The following LARP1 variants were observed in gnomAD, a reference collection of about 807,000 sequenced individuals.
LARP1 encodes the protein La ribonucleoprotein 1, translational regulator, also known as la-related protein 1.
In LARP1, 36 loss-of-function variants were observed where a neutral mutation model predicts 122.7. The observed-to-expected ratio is 0.29, with a 90% CI of 0.22 to 0.39. The LOEUF is 0.39. LARP1 is among the 10% of genes least tolerant of loss of function. LARP1 has a pLI of 1.00. For synonymous variants in LARP1, 539 were observed against 528.7 expected (o/e 1.02, Z -0.27); for missense variants, 1,040 against 1,403.6 (o/e 0.74, Z 4.14).
chr5:154,688,653 CAAAAAAA>C (rs10677648), intron 1 of LARP1, among the ~76,000 whole-genome samples: 4 of 79,484 alleles, frequency 5.0e-5, no homozygotes, highest in African/African-American at 2.2e-4. Flanking sequence ...GACTCCATCT[CAAAAAAA>C]AAAAAAAAAA....
intron 1 of LARP1, among the ~76,000 whole-genome samples, chr5:154,789,028 A>G (rs2113760038): frequency 6.6e-6 from 1 of 151,876 alleles, no homozygotes; most frequent in South Asian, 2.1e-4. Flanking sequence ...CCTGGCCAAC[A>G]TGGTGAAACC....
At chr5:154,766,382 A>G (rs889452519) in intron 1 of LARP1, among the ~76,000 whole-genome samples, 3 of 152,248 alleles carry the variant, frequency 2.0e-5, no homozygotes, top group African/African-American at 4.8e-5. Context: ...CCCAGATTAC[A>G]AAATGGAGCA....
intron 1 of LARP1, among the ~76,000 whole-genome samples, chr5:154,745,417 A>G (rs1215495643): frequency 6.6e-6 from 1 of 152,150 alleles, no homozygotes; most frequent in East Asian, 1.9e-4. Context: ...CCCCTTTATG[A>G]TAATAGCAAA....
In LARP1 at chr5:154,814,365, A is replaced by G. The variant is rs1357079197; in HGVS notation, c.*269A>G. The G allele has an allele frequency of 4.0e-6, 1 of 250,202 alleles. No homozygotes were observed. The highest frequency in any genetic ancestry group is 7.8e-6 in the Non-Finnish European group (1 of 128,502). The allele number at this position is 250,202 out of a possible 1,614,324, so 15.5% of individuals were successfully genotyped here. A position where few individuals can be genotyped will look rare whatever the true frequency, so the allele number is the denominator to read the frequency against. On this transcript the variant is annotated 3_prime_UTR_variant, in exon 19 of 19. Coordinates refer to ENST00000518297, the MANE Select transcript of LARP1 (RefSeq NM_033551.3). ...GGGGAGGGAAAGGGGGGAGATTTTTATATATATATACATATATATATATCA... is the reference window on the plus strand; with the variant it reads ...GGGGAGGGAAAGGGGGGAGATTTTTGTATATATATACATATATATATATCA...
intron 1 of LARP1, among the ~76,000 whole-genome samples, chr5:154,691,031 G>A (rs965627580): frequency 6.6e-6 from 1 of 152,112 alleles, no homozygotes; most frequent in African/African-American, 2.4e-5. Flanking sequence ...AGGCCGAGGA[G>A]GGCGGATCAC....
chr5:154,788,224 A>G (rs1757041049), intron 1 of LARP1, among the ~76,000 whole-genome samples: 1 of 152,204 alleles, frequency 6.6e-6, no homozygotes, highest in Non-Finnish European at 1.5e-5. Flanking sequence ...GAGTCCCAGG[A>G]GTATGGGTGC....
intron 1 of LARP1, among the ~76,000 whole-genome samples, chr5:154,763,299 T>C: frequency 6.6e-6 from 1 of 151,988 alleles, no homozygotes. Context: ...TGACCTCAGG[T>C]GATCTGCCCA....
intron 1 of LARP1, among the ~76,000 whole-genome samples, chr5:154,722,483 C>G (rs1160089311): frequency 6.6e-6 from 1 of 152,016 alleles, no homozygotes; most frequent in Non-Finnish European, 1.5e-5. Flanking sequence ...CATTCTGGGC[C>G]AGACAGGGGT....
At chr5:154,780,854 G>A (rs979563311) in intron 1 of LARP1, among the ~76,000 whole-genome samples, 7 of 151,970 alleles carry the variant, frequency 4.6e-5, no homozygotes, top group African/African-American at 1.7e-4. Flanking sequence ...TTGAGGTCAG[G>A]AGTTCAAGAC....
rs186461716 is a variant in LARP1, at chr5:154,737,729, T to G, written c.205+24599T>G. Among the ~76,000 whole-genome samples, 86 of 152,210 alleles carry G rather than the reference T, an allele frequency of 5.7e-4. 1 individual carries two copies. The highest frequency in any genetic ancestry group is 3.9e-4 in the East Asian group (2 of 5,180). On this transcript the variant is annotated intron_variant, in intron 1 of 18. Transcript: ENST00000336314. ...GCAGCAGGTCAACCCTTGGTACTTG[T>G]TTTCTCCTCAAAACTCTCTTCCCCA...
intron 1 of LARP1, among the ~76,000 whole-genome samples, 200 bp from the exon 2 acceptor site, chr5:154,790,125 T>C (rs957794965): frequency 6.6e-6 from 1 of 152,194 alleles, no homozygotes; most frequent in Non-Finnish European, 1.5e-5. Context: ...TGATCGCGCT[T>C]TCTGTGACTT....
At chr5:154,698,752 C>T (rs1313477020) in intron 1 of LARP1, among the ~76,000 whole-genome samples, 3 of 152,064 alleles carry the variant, frequency 2.0e-5, no homozygotes, top group African/African-American at 7.2e-5. Flanking sequence ...ATATCTAATT[C>T]ACCAATGAAT....
At chr5:154,770,475 T>C (rs112157036) in intron 1 of LARP1, among the ~76,000 whole-genome samples, 1 of 152,036 alleles carries the variant, frequency 6.6e-6, no homozygotes, top group African/African-American at 2.4e-5. Flanking sequence ...TCTCCCGGCC[T>C]GTCCCTGGCT....
chr5:154,805,718 T>C, intron 14 of LARP1, 163 bp from the exon 15 acceptor site: 1 of 696,282 alleles, frequency 1.4e-6, no homozygotes, highest in Non-Finnish European at 2.5e-6. Context: ...GCAGAGTTAA[T>C]CAGACCCATG....
At chr5:154,693,391 G>A (rs561526641) in intron 1 of LARP1, among the ~76,000 whole-genome samples, 2 of 152,212 alleles carry the variant, frequency 1.3e-5, no homozygotes, top group African/African-American at 4.8e-5. Context: ...ATAGGGAGAG[G>A]GCTATTACAG....
At chr5:154,684,925 G>C (rs7716846) in intron 1 of LARP1, among the ~76,000 whole-genome samples, 3,800 of 152,216 alleles carry the variant, frequency 0.025, 160 homozygotes, top group African/African-American at 0.086. Flanking sequence ...GATATGGAAG[G>C]GATATGGAAG....
At chr5:154,701,322 A>G (rs1034247073) in intron 1 of LARP1, among the ~76,000 whole-genome samples, 1 of 152,190 alleles carries the variant, frequency 6.6e-6, no homozygotes, top group South Asian at 2.1e-4. Flanking sequence ...CTTGGTCTCA[A>G]TGTGACATTG....
intron 1 of LARP1, among the ~76,000 whole-genome samples, chr5:154,713,701 G>C (rs937269468): frequency 2.0e-5 from 3 of 152,202 alleles, no homozygotes; most frequent in Non-Finnish European, 4.4e-5. Flanking sequence ...CTGCCTTCAC[G>C]CCCAAGCTGA....
intron 3 of LARP1, among the ~76,000 whole-genome samples, chr5:154,791,400 C>T (rs533968492): frequency 1.3e-5 from 2 of 152,006 alleles, no homozygotes; most frequent in East Asian, 1.9e-4. Flanking sequence ...ATTTTAGAGA[C>T]GAGGTTTTAC....
Sources: gnomAD v4.1 joint callset for allele counts (sites outside exome capture counted in the v4.1 genomes callset) on GRCh38, gnomAD v4.1.1 for gene constraint, MANE v1.5 for transcripts, NCBI Gene and HGNC (gene_info 2026-07-23, HGNC 2026-07-21) for gene names.